The following GPM6A variants were observed in gnomAD, a reference collection of about 807,000 sequenced individuals.
GPM6A encodes glycoprotein M6A, also known as neuronal membrane glycoprotein M6-a.
In GPM6A, 7 loss-of-function variants were observed where a neutral mutation model predicts 32.1. The observed-to-expected ratio is 0.22, with a 90% CI of 0.12 to 0.41. The LOEUF is 0.41. GPM6A is among the 10% of genes least tolerant of loss of function. The pLI is 1.00. For synonymous variants in GPM6A, 130 were observed against 123.4 expected (o/e 1.05, Z -0.35); for missense variants, 235 against 347.2 (o/e 0.68, Z 2.57).
At chr4:175,995,872 G>C (rs138951080) in intron 1 of GPM6A, among the ~76,000 whole-genome samples, 2 of 151,724 alleles carry the variant, frequency 1.3e-5, no homozygotes, top group African/African-American at 2.4e-5. Context: ...TAGAATTAAC[G>C]CATTATTCCA....
chr4:175,890,635 T>C (rs534999286), intron 1 of GPM6A, among the ~76,000 whole-genome samples: 11 of 152,110 alleles, frequency 7.2e-5, no homozygotes, highest in African/African-American at 2.7e-4. Flanking sequence ...GGTGCAATCA[T>C]GGCCCACCGC....
intron 1 of GPM6A, among the ~76,000 whole-genome samples, chr4:175,968,450 G>T (rs955232423): frequency 6.6e-6 from 1 of 152,134 alleles, no homozygotes; most frequent in African/African-American, 2.4e-5. Context: ...ATTAATCATT[G>T]CTGCTTGGCA....
At chr4:175,668,428 G>GA (rs1309359312) in intron 3 of GPM6A, among the ~76,000 whole-genome samples, 31 of 147,052 alleles carry the variant, frequency 2.1e-4, no homozygotes, top group South Asian at 4.4e-4. Flanking sequence ...GTTAAAATCT[G>GA]GAAAAAAAAA....
At chr4:175,661,000 T>C (rs1742377207) in intron 3 of GPM6A, among the ~76,000 whole-genome samples, 1 of 152,120 alleles carries the variant, frequency 6.6e-6, no homozygotes, top group Non-Finnish European at 1.5e-5. Context: ...CCAAAAAAAT[T>C]AAGATATCAG....
intron 1 of GPM6A, among the ~76,000 whole-genome samples, chr4:175,875,619 C>T (rs567818372): frequency 2.0e-5 from 3 of 152,210 alleles, no homozygotes; most frequent in East Asian, 1.9e-4. Context: ...GTTGGACAGT[C>T]GAGATGCTGG....
At chr4:175,759,668 G>A (rs1301990499) in intron 1 of GPM6A, among the ~76,000 whole-genome samples, 1 of 152,158 alleles carries the variant, frequency 6.6e-6, no homozygotes, top group Non-Finnish European at 1.5e-5. Context: ...GAACACTGGG[G>A]TTTGTGAAGG....
At chr4:175,776,180 T>A (rs993541558) in intron 1 of GPM6A, among the ~76,000 whole-genome samples, 1 of 152,174 alleles carries the variant, frequency 6.6e-6, no homozygotes, top group Admixed American at 6.5e-5. Flanking sequence ...AGACCCTTAA[T>A]AAAACTTTCT....
At chr4:175,980,184 A>T (rs1289697976) in intron 1 of GPM6A, among the ~76,000 whole-genome samples, 1 of 152,028 alleles carries the variant, frequency 6.6e-6, no homozygotes, top group East Asian at 1.9e-4. Context: ...ACATAGCAAG[A>T]CTCTACAAAA....
intron 1 of GPM6A, among the ~76,000 whole-genome samples, chr4:175,902,626 C>A (rs559024348): frequency 6.6e-6 from 1 of 152,220 alleles, no homozygotes; most frequent in African/African-American, 2.4e-5. Context: ...ATACAAATGG[C>A]GCACCTGGTC....
chr4:175,781,625 C>G (rs1733618679), intron 1 of GPM6A, among the ~76,000 whole-genome samples: 1 of 152,160 alleles, frequency 6.6e-6, no homozygotes, highest in African/African-American at 2.4e-5. Flanking sequence ...CCTCTGATTT[C>G]CTGCACTTGA....
chr4:175,663,435 G>C (rs952294318), intron 3 of GPM6A, among the ~76,000 whole-genome samples: 12 of 152,142 alleles, frequency 7.9e-5, no homozygotes, highest in Non-Finnish European at 1.3e-4. Flanking sequence ...CAGTTAGAAG[G>C]AATAAGTTAA....
intron 1 of GPM6A, among the ~76,000 whole-genome samples, chr4:175,948,767 C>G (rs1739698920): frequency 7.2e-6 from 1 of 138,718 alleles, no homozygotes; most frequent in African/African-American, 3.4e-5. Flanking sequence ...ACACTGGCCA[C>G]AAAGTTATGC....
intron 1 of GPM6A, among the ~76,000 whole-genome samples, chr4:175,908,326 T>C (rs1738196352): frequency 6.6e-6 from 1 of 152,134 alleles, no homozygotes; most frequent in Non-Finnish European, 1.5e-5. Context: ...AGTCTATTTC[T>C]AACTTATCTG....
rs1413259372 is a variant in GPM6A, at chr4:175,659,467, T to TA, written c.388-7481dup. Reference sequence around the variant, plus strand: ...CTATGTATTGTTACTTTGCAGAAGGTAAAAGAGTATTGAAAGTATTCAATG... The same window carrying TA: ...CTATGTATTGTTACTTTGCAGAAGGTAAAAAGAGTATTGAAAGTATTCAATG... On this transcript the variant is annotated intron_variant, in intron 3 of 6. Coordinates refer to ENST00000393658, the MANE Select transcript of GPM6A (RefSeq NM_201591.3). 5.9e-5 allele frequency among the ~76,000 whole-genome samples: 9 copies of TA among 152,292 alleles called. No individual in the cohort carries two copies. In the East Asian group the frequency reaches 1.7e-3, roughly 29 times the overall value.
chr4:175,839,540 A>G (rs903873730), intron 1 of GPM6A, among the ~76,000 whole-genome samples: 8 of 152,206 alleles, frequency 5.3e-5, no homozygotes, highest in African/African-American at 1.4e-4. Flanking sequence ...AGCAGTATTT[A>G]TATTATTTGA....
intron 1 of GPM6A, chr4:175,891,321 C>T (rs549662470): frequency 6.6e-6 from 1 of 152,084 alleles, no homozygotes; most frequent in Admixed American, 6.6e-5. Flanking sequence ...GCTTCTCTAC[C>T]GGTTACAGCT....
At chr4:175,966,137 T>A (rs1020930657) in intron 1 of GPM6A, among the ~76,000 whole-genome samples, 8 of 152,150 alleles carry the variant, frequency 5.3e-5, no homozygotes, top group African/African-American at 1.9e-4. Context: ...CTTGTTGCAG[T>A]GGCTTATGCC....
At chr4:175,851,500 A>G (rs1227322195) in intron 1 of GPM6A, among the ~76,000 whole-genome samples, 1 of 151,768 alleles carries the variant, frequency 6.6e-6, no homozygotes, top group Non-Finnish European at 1.5e-5. Flanking sequence ...AAAAAAAAAA[A>G]AAGACTGTAG....
At chr4:175,924,896 G>C (rs1037955851) in intron 1 of GPM6A, among the ~76,000 whole-genome samples, 9 of 150,088 alleles carry the variant, frequency 6.0e-5, no homozygotes, top group African/African-American at 2.2e-4. Context: ...CAGTGGTTTT[G>C]TCATTTATTG....
Sources: gnomAD v4.1 joint callset for allele counts (sites outside exome capture counted in the v4.1 genomes callset) on GRCh38, gnomAD v4.1.1 for gene constraint, MANE v1.5 for transcripts, NCBI Gene and HGNC (gene_info 2026-07-23, HGNC 2026-07-21) for gene names.